NLGN4Y: variants seen among roughly 807,000 people sequenced by gnomAD.
NLGN4Y encodes the protein neuroligin-4, Y-linked.
Under a neutral mutation model 8.4 loss-of-function variants are expected in NLGN4Y, and 4 were observed. The ratio of observed to expected loss-of-function variants is 0.48; its 90% confidence interval spans 0.23 to 1.09. The LOEUF (loss-of-function observed/expected upper bound fraction) is 1.09. Ranked by LOEUF, NLGN4Y falls within the 50% of genes least tolerant of loss-of-function variation. NLGN4Y has a pLI of 0.19. For missense variants in NLGN4Y, 90 were observed against 192.3 expected, an observed-to-expected ratio of 0.47 and a Z score of 3.15; for synonymous variants, 35 against 75.6, an observed-to-expected ratio of 0.46 and a Z score of 2.78.
chrY:14,763,958 G>T, intron 4 of NLGN4Y, among the ~76,000 whole-genome samples: 1 of 33,445 alleles, frequency 3.0e-5, no homozygotes, highest in African/African-American at 1.2e-4. Context: ...TGGTCCCAAA[G>T]TGCAAGAGTA....
intron 3 of NLGN4Y, among the ~76,000 whole-genome samples, 182 bp from the exon 4 acceptor site, chrY:14,722,935 G>C (rs2080941791): frequency 7.5e-5 from 1 of 13,261 alleles, no homozygotes; most frequent in South Asian, 2.1e-3. Context: ...AACAGAAAAT[G>C]TAATAGCATT....
chrY:14,697,247 AGATT>A (rs2080831291), intron 2 of NLGN4Y, among the ~76,000 whole-genome samples: 1 of 31,305 alleles, frequency 3.2e-5, no homozygotes, highest in Non-Finnish European at 7.8e-5. Flanking sequence ...ATAGATAGAT[AGATT>A]GATAGATAAT....
In NLGN4Y at chrY:14,622,331, A is replaced by G. The variant is rs2080512979; in HGVS notation, c.212A>G (p.Glu71Gly). 2.5e-6 allele frequency: 1 copy of G among 397,079 alleles called. No homozygotes were observed. Among genetic ancestry groups the G allele is most frequent in the Non-Finnish European group, 3.5e-6 (1 of 283,198 alleles). Residue 71 changes from glutamate (E) to glycine (G), a missense_variant, in exon 2 of 7, where the codon GAG becomes GGG. Physicochemically the swap from Glu to Gly is moderately conservative, Grantham distance 98. Around this residue, in one of 4 missense-constraint regions of NLGN4Y, gnomAD observed 37 missense variants for 38.5 expected, o/e 0.96. Transcript: ENST00000684976. Reference sequence around the variant, plus strand: ...CCCAGTGAGATCTTGGGTCCAGTGGAGCAGTACTTAGGGGTCCCCTATGCC... The same window carrying G: ...CCCAGTGAGATCTTGGGTCCAGTGGGGCAGTACTTAGGGGTCCCCTATGCC... Reference protein sequence around the residue: ...PLPSEILGPVEQYLGVPYASP... With the variant: ...PLPSEILGPVGQYLGVPYASP...
intron 1 of NLGN4Y, among the ~76,000 whole-genome samples, chrY:14,599,682 C>A: frequency 3.0e-5 from 1 of 32,947 alleles, no homozygotes; most frequent in African/African-American, 1.2e-4. Flanking sequence ...CGTAAAACTG[C>A]ACAAATTCTC....
At chrY:14,655,461 T>C (rs2080647457) in intron 2 of NLGN4Y, among the ~76,000 whole-genome samples, 1 of 31,922 alleles carries the variant, frequency 3.1e-5, no homozygotes, top group Non-Finnish European at 7.6e-5. Flanking sequence ...TCATCCCGGA[T>C]CCATTTTGGG....
At chrY:14,821,232 C>T in intron 4 of NLGN4Y, among the ~76,000 whole-genome samples, 1 of 33,398 alleles carries the variant, frequency 3.0e-5, no homozygotes, top group East Asian at 8.0e-4. Flanking sequence ...AGCTGCTGAC[C>T]TTCACTGTGA....
chrY:14,785,875 T>C (rs771282270), intron 4 of NLGN4Y, among the ~76,000 whole-genome samples: 1 of 32,200 alleles, frequency 3.1e-5, no homozygotes, highest in Admixed American at 2.8e-4. Flanking sequence ...TCAATCATTG[T>C]GGAAAGCAGT....
chrY:14,809,203 G>T, intron 4 of NLGN4Y, among the ~76,000 whole-genome samples: 3 of 33,902 alleles, frequency 8.8e-5, no homozygotes, highest in African/African-American at 3.4e-4. Context: ...AATGGGCCAC[G>T]CAAAGTGGCT....
intron 1 of NLGN4Y, among the ~76,000 whole-genome samples, chrY:14,609,901 G>A (rs2080460144): frequency 3.0e-5 from 1 of 33,068 alleles, no homozygotes. Flanking sequence ...ACTTGTTATT[G>A]GTCTATTCAG....
chrY:14,730,977 G>A, intron 4 of NLGN4Y, among the ~76,000 whole-genome samples: 1 of 24,787 alleles, frequency 4.0e-5, no homozygotes, highest in East Asian at 1.1e-3. Context: ...TGGGATTGCT[G>A]AACCAAATTA....
At chrY:14,756,804 A>G in intron 4 of NLGN4Y, among the ~76,000 whole-genome samples, 2 of 22,104 alleles carry the variant, frequency 9.0e-5, no homozygotes, top group Non-Finnish European at 2.0e-4. Context: ...TATATTATAC[A>G]TTTAATATAT....
intron 4 of NLGN4Y, among the ~76,000 whole-genome samples, chrY:14,749,082 G>A (rs2150565519): frequency 2.5e-4 from 8 of 32,279 alleles, no homozygotes; most frequent in Admixed American, 8.6e-4. Flanking sequence ...GTCTTCTGGC[G>A]TCAGAAATGC....
intron 4 of NLGN4Y, among the ~76,000 whole-genome samples, chrY:14,808,575 A>C (rs981317918): frequency 5.8e-5 from 2 of 34,388 alleles, no homozygotes; most frequent in Non-Finnish European, 1.5e-4. Context: ...AATGCCATTT[A>C]GTGTGCTGAG....
chrY:14,574,364 C>T (rs2080287940), intron 1 of NLGN4Y, among the ~76,000 whole-genome samples: 1 of 33,340 alleles, frequency 3.0e-5, no homozygotes. Context: ...TTCTTCGTCT[C>T]TTTTGATTGT....
At chrY:14,658,735 A>G (rs777624748) in intron 2 of NLGN4Y, among the ~76,000 whole-genome samples, 1 of 33,107 alleles carries the variant, frequency 3.0e-5, no homozygotes, top group African/African-American at 1.2e-4. Flanking sequence ...AGTAAATATG[A>G]GGTCTCACTA....
At chrY:14,828,511 A>T in intron 5 of NLGN4Y, among the ~76,000 whole-genome samples, 2 of 32,908 alleles carry the variant, frequency 6.1e-5, no homozygotes, top group Non-Finnish European at 1.5e-4. Flanking sequence ...GACATTTTAA[A>T]ATAATCTTCA....
intron 6 of NLGN4Y, among the ~76,000 whole-genome samples, chrY:14,837,941 A>G (rs899800347): frequency 3.0e-5 from 1 of 33,514 alleles, no homozygotes; most frequent in African/African-American, 1.2e-4. Flanking sequence ...TGAGATAGCC[A>G]CACATCTAAT....
At chrY:14,794,686 G>A (rs2042999949) in intron 4 of NLGN4Y, among the ~76,000 whole-genome samples, 3 of 33,021 alleles carry the variant, frequency 9.1e-5, no homozygotes, top group Non-Finnish European at 1.5e-4. Context: ...TAGATTTACT[G>A]GACTATATTT....
At chrY:14,693,049 G>A in intron 2 of NLGN4Y, among the ~76,000 whole-genome samples, 3 of 32,840 alleles carry the variant, frequency 9.1e-5, no homozygotes, top group South Asian at 6.9e-4. Flanking sequence ...TTGTAGAGAC[G>A]GAGTATTGCT....
Sources: allele counts gnomAD v4.1 joint callset (sites outside exome capture counted in the v4.1 genomes callset), GRCh38; gene constraint gnomAD v4.1.1; regional missense constraint gnomAD v4.1.1; transcripts MANE v1.5; gene names NCBI Gene and HGNC (gene_info 2026-07-23, HGNC 2026-07-21).